ARHGEF4: variants seen among roughly 807,000 people sequenced by gnomAD.
ARHGEF4 encodes Rho guanine nucleotide exchange factor 4.
In ARHGEF4, 119 loss-of-function variants were observed where a neutral mutation model predicts 162.0. The observed-to-expected ratio is 0.73, with a 90% CI of 0.63 to 0.86. ARHGEF4 has a LOEUF of 0.86. ARHGEF4 is among the 40% of genes least tolerant of loss of function. The pLI is 0.00. For missense variants in ARHGEF4, 2,488 were observed against 2,456.0 expected (o/e 1.01, Z -0.28); for synonymous variants, 1,014 against 979.9 (o/e 1.03, Z -0.65).
rs55904944 is a variant in ARHGEF4, at chr2:130,926,810, A to ATTTTTTTTTTTTT, written c.3553-4126_3553-4114dup. On this transcript the variant is annotated intron_variant, in intron 2 of 13. Transcript: ENST00000409359. ...TAAACCTGAGAGGGACTTCTGGCTGATTTTTTTTTTTTTTTTTTTTTTTTT... is the reference window on the plus strand; with the variant it reads ...TAAACCTGAGAGGGACTTCTGGCTGATTTTTTTTTTTTTTTTTTTTTTTTTTTTTTTTTTTTTT... Among the ~76,000 whole-genome samples, 177 of 48,952 alleles carry ATTTTTTTTTTTTT rather than the reference A, an allele frequency of 3.6e-3. 63 individuals are homozygous for ATTTTTTTTTTTTT. Among genetic ancestry groups the ATTTTTTTTTTTTT allele is most frequent in the East Asian group, 6.9e-3 (8 of 1,154 alleles). The allele number at this position is 48,952 out of a possible 152,430, so 32.1% of individuals were successfully genotyped here.
At chr2:130,920,118 A>T (rs977040064) in intron 2 of ARHGEF4, among the ~76,000 whole-genome samples, 7 of 151,324 alleles carry the variant, frequency 4.6e-5, no homozygotes, top group African/African-American at 1.7e-4. Context: ...TTTTTTGTTT[A>T]TTTTGTTTGA....
chr2:131,011,601 C>T, intron 4 of ARHGEF4: 2 of 1,524,576 alleles, frequency 1.3e-6, no homozygotes, highest in Non-Finnish European at 1.8e-6. Context: ...ATTAATCCCC[C>T]CATTGGTCGT....
chr2:131,003,015 A>G (rs915473249), intron 4 of ARHGEF4, among the ~76,000 whole-genome samples: 4 of 152,180 alleles, frequency 2.6e-5, no homozygotes, highest in South Asian at 2.1e-4. Flanking sequence ...ACTTTGTGCA[A>G]GACACTAGGA....
chr2:130,900,863 C>A (rs1680445434), intron 1 of ARHGEF4, among the ~76,000 whole-genome samples: 1 of 152,118 alleles, frequency 6.6e-6, no homozygotes, highest in Non-Finnish European at 1.5e-5. Context: ...ATAGCTCTAG[C>A]CTATTTTGTT....
intron 1 of ARHGEF4, among the ~76,000 whole-genome samples, chr2:130,872,497 C>T (rs2104935849): frequency 6.6e-6 from 1 of 152,228 alleles, no homozygotes; most frequent in East Asian, 1.9e-4. Context: ...TTCCTGCCAT[C>T]CCCAGCCCTC....
chr2:131,011,557 T>G, intron 4 of ARHGEF4: 1 of 1,408,732 alleles, frequency 7.1e-7, no homozygotes, highest in Non-Finnish European at 9.5e-7. Context: ...AGCATGTGCT[T>G]CCATATCAGC....
intron 2 of ARHGEF4, among the ~76,000 whole-genome samples, chr2:130,920,936 T>C (rs192828339): frequency 2.0e-5 from 3 of 152,134 alleles, no homozygotes; most frequent in African/African-American, 7.2e-5. Flanking sequence ...TGTGTAGACA[T>C]ATATTGTCAA....
At chr2:131,007,363 T>G (rs1688182595) in intron 4 of ARHGEF4, among the ~76,000 whole-genome samples, 2 of 152,358 alleles carry the variant, frequency 1.3e-5, no homozygotes, top group African/African-American at 4.8e-5. Flanking sequence ...TTCCTCTTTC[T>G]TTAATATCTT....
intron 4 of ARHGEF4, among the ~76,000 whole-genome samples, chr2:131,010,825 G>A (rs976123371): frequency 2.0e-5 from 3 of 152,200 alleles, no homozygotes; most frequent in Admixed American, 1.3e-4. Context: ...ACATAATGGA[G>A]GGAAGCTAAA....
At chr2:130,984,753 A>G (rs1686364081) in intron 4 of ARHGEF4, among the ~76,000 whole-genome samples, 2 of 151,908 alleles carry the variant, frequency 1.3e-5, no homozygotes, top group Non-Finnish European at 2.9e-5. Context: ...AGACACACAC[A>G]CACAATCGCC....
chr2:130,930,934 G>C lies in ARHGEF4; in HGVS notation c.3553-18G>C. ...TCCTTTGACCTCTGACCCCTGACCC[G>C]TTCTCTCTGCTCTCCAGAACCACAT... On this transcript the variant is annotated intron_variant, in intron 2 of 13. Coordinates refer to ENST00000409359, the MANE Select transcript of ARHGEF4 (RefSeq NM_001367493.1). 1 of 1,589,922 alleles carries C rather than the reference G, an allele frequency of 6.3e-7. No homozygotes were observed.
chr2:131,028,027 C>T lies in ARHGEF4; in HGVS notation c.4068C>T (p.Ser1356=). The change falls in exon 5 of 14, where the codon AGC becomes AGT. Residue 1356 remains serine, a synonymous_variant. Transcript: ENST00000409359. ...SEEDLYDDLH[S]SSHHYSHPGG... The stretch of plus-strand genomic sequence containing the variant: ...AGGACCTGTATGATGACCTGCACAG[C>T]TCCAGCCACCACTACAGCCACCCTG... 1.2e-6 allele frequency: 2 copies of T among 1,613,952 alleles called. No individual in the cohort carries two copies. The highest frequency in any genetic ancestry group is 1.7e-6 in the Non-Finnish European group (2 of 1,180,010).
At chr2:130,898,250 T>C (rs1680278764) in intron 1 of ARHGEF4, among the ~76,000 whole-genome samples, 1 of 152,208 alleles carries the variant, frequency 6.6e-6, no homozygotes. Flanking sequence ...GCCAACCTTG[T>C]GCAGCTGGCT....
At chr2:130,852,404 C>T (rs1171533376) in intron 1 of ARHGEF4, among the ~76,000 whole-genome samples, 1 of 152,108 alleles carries the variant, frequency 6.6e-6, no homozygotes, top group African/African-American at 2.4e-5. Flanking sequence ...GACACAGGCA[C>T]AAGGCACAAC....
At chr2:130,895,657 C>T (rs59363243) in intron 1 of ARHGEF4, among the ~76,000 whole-genome samples, 19,985 of 152,150 alleles carry the variant, frequency 0.13, 2,930 homozygotes, top group African/African-American at 0.36. Flanking sequence ...TAAGTGTTGG[C>T]TCAAAATTTT....
At chr2:130,975,408 T>C (rs545871490) in intron 4 of ARHGEF4, among the ~76,000 whole-genome samples, 82 of 151,990 alleles carry the variant, frequency 5.4e-4, no homozygotes, top group African/African-American at 2.0e-3. Flanking sequence ...TCTCAAAACC[T>C]CCTCTGCTGG....
intron 4 of ARHGEF4, among the ~76,000 whole-genome samples, chr2:130,988,637 C>T (rs1252320116): frequency 1.3e-5 from 2 of 152,002 alleles, no homozygotes; most frequent in Non-Finnish European, 2.9e-5. Flanking sequence ...TATTTCATGA[C>T]CTGTTTTCCC....
chr2:130,874,762 T>C (rs1678713437), intron 1 of ARHGEF4, among the ~76,000 whole-genome samples: 1 of 152,178 alleles, frequency 6.6e-6, no homozygotes, highest in Non-Finnish European at 1.5e-5. Flanking sequence ...CATGCCCTTC[T>C]TTCATAACCA....
intron 4 of ARHGEF4, among the ~76,000 whole-genome samples, chr2:131,001,301 T>TAA (rs1687743208): frequency 4.5e-5 from 1 of 22,220 alleles, no homozygotes; most frequent in African/African-American, 2.8e-4. Context: ...AGACTGTGTC[T>TAA]CAAAAAAAAA....
Sources: allele counts gnomAD v4.1 joint callset (sites outside exome capture counted in the v4.1 genomes callset), GRCh38; gene constraint gnomAD v4.1.1; transcripts MANE v1.5; gene names NCBI Gene and HGNC (gene_info 2026-07-23, HGNC 2026-07-21).